ARHGAP15: variants seen among roughly 807,000 people sequenced by gnomAD.
The protein encoded by ARHGAP15 is Rho GTPase activating protein 15, also known as rho GTPase-activating protein 15.
A neutral mutation model predicts 63.7 loss-of-function variants in ARHGAP15; 51 were observed. The observed-to-expected ratio is 0.80, with a 90% confidence interval of 0.64 to 1.01. The LOEUF is 1.01. Ranked by LOEUF, ARHGAP15 falls within the 50% of genes least tolerant of loss-of-function variation. The pLI, the probability that ARHGAP15 is intolerant of heterozygous loss-of-function variation, is 0.00. For synonymous variants in ARHGAP15, 191 were observed against 193.8 expected, an observed-to-expected ratio of 0.99 and a Z score of 0.12; for missense variants, 560 against 564.6, an observed-to-expected ratio of 0.99 and a Z score of 0.08.
intron 13 of ARHGAP15, among the ~76,000 whole-genome samples, chr2:143,736,525 T>C (rs188247022): frequency 3.3e-5 from 5 of 152,212 alleles, no homozygotes; most frequent in African/African-American, 1.2e-4. Flanking sequence ...TTACACAAAG[T>C]GTAGAGTGTA....
intron 6 of ARHGAP15, among the ~76,000 whole-genome samples, chr2:143,332,145 G>C (rs898434256): frequency 1.3e-5 from 2 of 152,040 alleles, no homozygotes; most frequent in African/African-American, 4.8e-5. Flanking sequence ...ACAATAATTA[G>C]ATCATGGTAT....
chr2:143,495,126 C>T (rs1333739418), intron 9 of ARHGAP15, among the ~76,000 whole-genome samples: 3 of 152,148 alleles, frequency 2.0e-5, no homozygotes, highest in Non-Finnish European at 2.9e-5. Flanking sequence ...CTTGGCCATC[C>T]CACAACTGTT....
At position 143,201,957 on chromosome 2, in the gene ARHGAP15, C is replaced by A. The variant is rs531154037; in HGVS notation, c.166-177C>A. Among the ~76,000 whole-genome samples, 5 of 152,182 alleles carry A rather than the reference C, an allele frequency of 3.3e-5. No individual in the cohort carries two copies. The East Asian group carries it at 9.7e-4, about 29-fold the overall frequency. On this transcript the variant is annotated intron_variant, in intron 2 of 13. Coordinates refer to ENST00000295095, the MANE Select transcript of ARHGAP15 (RefSeq NM_018460.4). ...GGGTTTGAGATATGCTTGCAGCCAG[C>A]CATCTTTGAGTACGTATTTTATTTA...
intron 10 of ARHGAP15, among the ~76,000 whole-genome samples, chr2:143,539,796 C>T (rs1476623430): frequency 6.6e-6 from 1 of 151,944 alleles, no homozygotes; most frequent in Non-Finnish European, 1.5e-5. Context: ...TGCTTTACTT[C>T]CAACTATGTG....
chr2:143,158,192 T>C (rs534441770), intron 2 of ARHGAP15, among the ~76,000 whole-genome samples: 2 of 152,006 alleles, frequency 1.3e-5, no homozygotes, highest in Non-Finnish European at 1.5e-5. Flanking sequence ...ACCAATTCTG[T>C]AATTTTCTCA....
At chr2:143,436,086 A>ATAAATAATAACC (rs1689600690) in intron 7 of ARHGAP15, among the ~76,000 whole-genome samples, 1 of 152,182 alleles carries the variant, frequency 6.6e-6, no homozygotes, top group Non-Finnish European at 1.5e-5. Flanking sequence ...ATACCAATAA[A>ATAAATAATAACC]TAAATAATAA....
intron 11 of ARHGAP15, among the ~76,000 whole-genome samples, chr2:143,614,162 A>G (rs536620491): frequency 6.6e-6 from 1 of 152,246 alleles, no homozygotes; most frequent in Non-Finnish European, 1.5e-5. Flanking sequence ...CTCATCGTTT[A>G]AGATCATTAT....
At chr2:143,444,965 A>G (rs907210023) in intron 8 of ARHGAP15, among the ~76,000 whole-genome samples, 1 of 152,054 alleles carries the variant, frequency 6.6e-6, no homozygotes, top group Non-Finnish European at 1.5e-5. Context: ...AGTACCTGAA[A>G]TCAGTTGTTC....
At chr2:143,556,275 A>G (rs1574629392) in intron 10 of ARHGAP15, 133 bp from the exon 11 acceptor site, 2 of 609,398 alleles carry the variant, frequency 3.3e-6, no homozygotes, top group East Asian at 2.8e-5. Context: ...TGAAGATTGC[A>G]TAATTTAGAA....
At chr2:143,606,456 G>A (rs1048095219) in intron 11 of ARHGAP15, among the ~76,000 whole-genome samples, 1 of 152,106 alleles carries the variant, frequency 6.6e-6, no homozygotes, top group African/African-American at 2.4e-5. Flanking sequence ...ATATTTATTA[G>A]CTTGCTAAAA....
At chr2:143,499,543 A>C (rs1429642739) in intron 9 of ARHGAP15, among the ~76,000 whole-genome samples, 1 of 152,218 alleles carries the variant, frequency 6.6e-6, no homozygotes, top group Non-Finnish European at 1.5e-5. Context: ...AAAAGTGCTC[A>C]GGAATATTCA....
intron 6 of ARHGAP15, among the ~76,000 whole-genome samples, chr2:143,299,307 G>A (rs915889282): frequency 6.6e-6 from 1 of 151,824 alleles, no homozygotes; most frequent in African/African-American, 2.4e-5. Flanking sequence ...AATTTGTTTG[G>A]GTTCTATTTT....
chr2:143,555,174 C>T (rs1695734101), intron 10 of ARHGAP15, among the ~76,000 whole-genome samples: 1 of 152,088 alleles, frequency 6.6e-6, no homozygotes, highest in Non-Finnish European at 1.5e-5. Context: ...CTACCCTAAC[C>T]TTCCAATGCA....
intron 6 of ARHGAP15, among the ~76,000 whole-genome samples, chr2:143,346,054 A>G (rs978685717): frequency 1.3e-5 from 2 of 152,078 alleles, no homozygotes; most frequent in Admixed American, 1.3e-4. Flanking sequence ...GGATAAAAAC[A>G]CTATTGAAAT....
chr2:143,350,728 A>G (rs1396220563), intron 6 of ARHGAP15, among the ~76,000 whole-genome samples: 2 of 148,210 alleles, frequency 1.3e-5, no homozygotes, highest in African/African-American at 5.0e-5. Flanking sequence ...AGTCCCAACT[A>G]CTCAGAAGGC....
chr2:143,490,986 A>C (rs1004820589), intron 9 of ARHGAP15, among the ~76,000 whole-genome samples: 1 of 152,224 alleles, frequency 6.6e-6, no homozygotes, highest in African/African-American at 2.4e-5. Flanking sequence ...ATATCAAATA[A>C]AGTGGGCCAG....
intron 6 of ARHGAP15, among the ~76,000 whole-genome samples, chr2:143,356,749 T>C (rs894281163): frequency 1.3e-5 from 2 of 152,198 alleles, no homozygotes; most frequent in African/African-American, 2.4e-5. Context: ...AAATCCTTCA[T>C]GGATTTTCAT....
At chr2:143,244,843 A>G (rs959004920) in intron 5 of ARHGAP15, among the ~76,000 whole-genome samples, 5 of 152,234 alleles carry the variant, frequency 3.3e-5, no homozygotes, top group African/African-American at 1.2e-4. Context: ...TAAGAACTCT[A>G]CTGAGGTTAA....
chr2:143,624,645 G>A (rs929883950), intron 12 of ARHGAP15, among the ~76,000 whole-genome samples: 1 of 152,092 alleles, frequency 6.6e-6, no homozygotes, highest in South Asian at 2.1e-4. Context: ...TCTCGAAAAG[G>A]ATCCTAAGTG....
Sources: allele counts gnomAD v4.1 joint callset (sites outside exome capture counted in the v4.1 genomes callset), GRCh38; gene constraint gnomAD v4.1.1; transcripts MANE v1.5; gene names NCBI Gene and HGNC (gene_info 2026-07-23, HGNC 2026-07-21).